ERC2: variants seen among roughly 807,000 people sequenced by gnomAD.
ERC2 encodes ELKS/RAB6-interacting/CAST family member 2.
In ERC2, 42 loss-of-function variants were observed where a neutral mutation model predicts 114.8. The ratio of observed to expected loss-of-function variants is 0.37; its 90% CI spans 0.29 to 0.47. The LOEUF (loss-of-function observed/expected upper bound fraction) is 0.47. ERC2 is among the 20% of genes least tolerant of loss of function. ERC2 has a pLI of 0.99. For missense variants in ERC2, 939 were observed against 1,150.7 expected (o/e 0.82, Z 2.66); for synonymous variants, 454 against 425.5 (o/e 1.07, Z -0.82).
rs189414181 is a variant in ERC2 at position 56,161,952 on chromosome 3, G to C, written c.1149+11494C>G. 5.3e-5 allele frequency among the ~76,000 whole-genome samples: 8 copies of C among 152,186 alleles called. No individual in the cohort carries two copies. In the East Asian group the frequency reaches 1.5e-3, roughly 29 times the overall value. On this transcript the variant is annotated intron_variant, in intron 4 of 17. Coordinates refer to ENST00000288221, the MANE Select transcript of ERC2 (RefSeq NM_015576.3). Reference sequence around the variant, plus strand: ...ACGAGTAATGAGAGTGAGCATCCTTGTCTTGTTTCAGTTCTCAAGGGGAAT... The same window carrying C: ...ACGAGTAATGAGAGTGAGCATCCTTCTCTTGTTTCAGTTCTCAAGGGGAAT...
At chr3:55,519,852 G>A (rs9875103) in intron 17 of ERC2, among the ~76,000 whole-genome samples, 21,622 of 151,916 alleles carry the variant, frequency 0.14, 1,902 homozygotes, top group Non-Finnish European at 0.2. Flanking sequence ...GAAACATGAC[G>A]AAACCAGCCT....
At chr3:56,230,639 GA>G (rs77480343) in intron 3 of ERC2, among the ~76,000 whole-genome samples, 29 of 146,546 alleles carry the variant, frequency 2.0e-4, no homozygotes, top group Non-Finnish European at 2.9e-4. Context: ...CATTGCTCAG[GA>G]AAAAAAAAAG....
Position 56,394,481 on chromosome 3 carries a change from C to A in ERC2, c.657+39870G>T, listed in dbSNP as rs537732618. On this transcript the variant is annotated intron_variant, in intron 2 of 17. Transcript: ENST00000288221. ...TCCAAGCTATAAAAATCAATATAAT[C>A]TAGAATATATAAAGAACTCTTCATA... 2.4e-3 allele frequency among the ~76,000 whole-genome samples: 367 copies of A among 152,146 alleles called. 1 individual carries two copies. Among genetic ancestry groups the A allele is most frequent in the Admixed American group, 3.9e-3 (59 of 15,268 alleles).
intron 3 of ERC2, among the ~76,000 whole-genome samples, chr3:56,223,021 C>T (rs980621632): frequency 2.6e-5 from 4 of 152,210 alleles, no homozygotes; most frequent in African/African-American, 9.6e-5. Flanking sequence ...CAGCTGGGTG[C>T]CTCTTCTCAT....
chr3:55,972,113 A>T (rs2069202939), intron 12 of ERC2, among the ~76,000 whole-genome samples: 1 of 152,110 alleles, frequency 6.6e-6, no homozygotes, highest in South Asian at 2.1e-4. Flanking sequence ...TAGTCATCCA[A>T]CAAAATATTT....
intron 14 of ERC2, among the ~76,000 whole-genome samples, chr3:55,810,506 C>T (rs767408803): frequency 1.0e-4 from 15 of 150,106 alleles, no homozygotes; most frequent in Non-Finnish European, 2.1e-4. Flanking sequence ...TCTTGTTGCC[C>T]AGCCGAAATG....
chr3:55,520,780 T>G (rs1307415076), intron 17 of ERC2, among the ~76,000 whole-genome samples: 1 of 152,114 alleles, frequency 6.6e-6, no homozygotes, highest in Non-Finnish European at 1.5e-5. Context: ...ATTTTCAAAT[T>G]CCAATGAAAA....
At position 55,986,859 on chromosome 3, in the gene ERC2, G is replaced by C. The variant is rs1422682661; in HGVS notation, c.2256-871C>G. On this transcript the variant is annotated intron_variant, in intron 11 of 17. Transcript: ENST00000288221. ...ATTCATCTTCCAGGCTACTATAGGA[G>C]CACATAGTGGACATTCATTTTGTTG... 3.3e-5 allele frequency among the ~76,000 whole-genome samples: 5 copies of C among 152,036 alleles called. No individual in the cohort carries two copies. In the East Asian group the frequency reaches 9.7e-4, roughly 29 times the overall value.
chr3:55,934,580 G>A (rs536404859), intron 13 of ERC2, among the ~76,000 whole-genome samples: 44 of 152,208 alleles, frequency 2.9e-4, no homozygotes, highest in South Asian at 1.2e-3. Flanking sequence ...CCAGGCCTAC[G>A]TAACTCTAGA....
At chr3:55,793,013 G>C (rs1256517948) in intron 14 of ERC2, among the ~76,000 whole-genome samples, 1 of 152,142 alleles carries the variant, frequency 6.6e-6, no homozygotes, top group Non-Finnish European at 1.5e-5. Flanking sequence ...ATATAGATTG[G>C]TCCAAATAGC....
At chr3:55,659,477 C>G (rs2061025011) in intron 17 of ERC2, 1 of 152,046 alleles carries the variant, frequency 6.6e-6, no homozygotes. Context: ...CATCCCTGAT[C>G]TCCCCACCCT....
intron 7 of ERC2, among the ~76,000 whole-genome samples, chr3:56,060,977 G>A (rs1021320811): frequency 4.6e-5 from 7 of 152,066 alleles, no homozygotes; most frequent in African/African-American, 1.7e-4. Flanking sequence ...CTGCACTCTC[G>A]TAAATTTTTT....
intron 7 of ERC2, among the ~76,000 whole-genome samples, chr3:56,066,676 T>TA (rs1402445855): frequency 6.6e-6 from 1 of 152,234 alleles, no homozygotes; most frequent in African/African-American, 2.4e-5. Flanking sequence ...CTAGGGTTTT[T>TA]ATGGTTTGGG....
chr3:55,897,687 C>A (rs576662800), intron 13 of ERC2, among the ~76,000 whole-genome samples: 1 of 152,322 alleles, frequency 6.6e-6, no homozygotes, highest in African/African-American at 2.4e-5. Flanking sequence ...ACTCCTCCGA[C>A]AGTGATGCTG....
At chr3:56,149,965 A>C (rs1037332156) in intron 4 of ERC2, among the ~76,000 whole-genome samples, 1 of 152,222 alleles carries the variant, frequency 6.6e-6, no homozygotes, top group Admixed American at 6.5e-5. Context: ...GGTAACCAAA[A>C]CAAAACAAAA....
At chr3:55,960,138 C>A (rs891325441) in intron 12 of ERC2, among the ~76,000 whole-genome samples, 10 of 152,208 alleles carry the variant, frequency 6.6e-5, no homozygotes, top group Admixed American at 5.9e-4. Context: ...TCTTTTCATC[C>A]ATTCTCCATC....
intron 14 of ERC2, among the ~76,000 whole-genome samples, chr3:55,785,633 T>C (rs1050004064): frequency 2.6e-5 from 4 of 152,218 alleles, no homozygotes; most frequent in Non-Finnish European, 5.9e-5. Context: ...GGGCTGCCTC[T>C]TGAGGCTTGT....
intron 15 of ERC2, among the ~76,000 whole-genome samples, chr3:55,706,908 C>T (rs560525525): frequency 6.6e-6 from 1 of 152,290 alleles, no homozygotes; most frequent in African/African-American, 2.4e-5. Context: ...CTGCCTAGCA[C>T]TAATTCAGTT....
At chr3:56,223,686 G>T (rs993285454) in intron 3 of ERC2, among the ~76,000 whole-genome samples, 3 of 151,916 alleles carry the variant, frequency 2.0e-5, no homozygotes, top group African/African-American at 7.3e-5. Flanking sequence ...CCTCTCTTTG[G>T]CACTCTCTGT....
Sources: allele counts gnomAD v4.1 joint callset (sites outside exome capture counted in the v4.1 genomes callset), GRCh38; gene constraint gnomAD v4.1.1; transcripts MANE v1.5; gene names NCBI Gene and HGNC (gene_info 2026-07-23, HGNC 2026-07-21).